Variants in GREB1L observed in about 807,000 individuals in gnomAD.
The protein encoded by GREB1L is GREB1 like retinoic acid receptor coactivator.
GREB1L carries 17 observed loss-of-function variants against 200.8 expected under a neutral mutation model. The observed-to-expected ratio is 0.08, with a 90% CI of 0.06 to 0.13. The LOEUF (loss-of-function observed/expected upper bound fraction) is 0.13, where lower values mean the gene tolerates loss of function less well. Among genes scored for constraint, GREB1L ranks in the 10% least tolerant of loss-of-function variants. The pLI is 1.00. For missense variants in GREB1L, 1,657 were observed against 2,367.7 expected (o/e 0.70, Z 6.23); for synonymous variants, 789 against 893.0 (o/e 0.88, Z 2.08).
rs976043513 is a variant in GREB1L, at chr18:21,452,225, C to A, written c.1984+8C>A. On this transcript the variant is annotated splice_region_variant and intron_variant, in intron 14 of 32. Coordinates refer to ENST00000424526, the MANE Select transcript of GREB1L (RefSeq NM_001142966.3). ...TTCCCACACAAAACCTGGGTAATGT[C>A]ATCTCAGACCAAGAGGAGGAAGTCA... The A allele has an allele frequency of 6.4e-7, 1 of 1,550,476 alleles. No homozygotes were observed. Among genetic ancestry groups the A allele is most frequent in the Non-Finnish European group, 8.7e-7 (1 of 1,146,608 alleles).
intron 18 of GREB1L, among the ~76,000 whole-genome samples, chr18:21,488,502 C>T: frequency 6.6e-6 from 1 of 152,084 alleles, no homozygotes; most frequent in East Asian, 1.9e-4. Flanking sequence ...GTGAAATCCC[C>T]CATTAGCCTA....
intron 1 of GREB1L, among the ~76,000 whole-genome samples, chr18:21,296,038 A>T (rs2038522078): frequency 1.3e-5 from 2 of 152,352 alleles, no homozygotes; most frequent in South Asian, 4.1e-4. Flanking sequence ...AAGAACTTAA[A>T]ATAGAACTAC....
chr18:21,439,567 C>G lies in GREB1L; in HGVS notation c.879C>G (p.Ser293=). 1 of 1,551,384 alleles carries G rather than the reference C, an allele frequency of 6.4e-7. No individual in the cohort carries two copies. The highest frequency in any genetic ancestry group is 8.7e-7 in the Non-Finnish European group (1 of 1,146,394). ...NSSHGGKGSA[S]SSTPAHTGNY... ...GCCATGGAGGGAAGGGCAGTGCATCCAGCTCCACTCCAGCCCACACAGGGA... is the reference window on the plus strand; with the variant it reads ...GCCATGGAGGGAAGGGCAGTGCATCGAGCTCCACTCCAGCCCACACAGGGA... Residue 293 remains serine (S), a synonymous_variant, in exon 8 of 33, where the codon TCC becomes TCG. Transcript: ENST00000424526.
intron 1 of GREB1L, among the ~76,000 whole-genome samples, chr18:21,361,267 T>C (rs9960007): frequency 0.031 from 4,777 of 152,276 alleles, 253 homozygotes; most frequent in African/African-American, 0.1. Flanking sequence ...CTCTAACTTA[T>C]AACAAAGAGA....
intron 19 of GREB1L, among the ~76,000 whole-genome samples, chr18:21,494,894 A>G (rs1419614650): frequency 6.6e-6 from 1 of 152,204 alleles, no homozygotes; most frequent in African/African-American, 2.4e-5. Context: ...TTTCATTGAT[A>G]TGTTTATGTT....
intron 7 of GREB1L, among the ~76,000 whole-genome samples, chr18:21,418,812 A>G (rs2031887834): frequency 6.6e-6 from 1 of 152,124 alleles, no homozygotes; most frequent in Non-Finnish European, 1.5e-5. Context: ...AGCGTGCACC[A>G]CTGTGCCTGG....
At chr18:21,316,615 G>A (rs574059182) in intron 1 of GREB1L, among the ~76,000 whole-genome samples, 49 of 152,236 alleles carry the variant, frequency 3.2e-4, no homozygotes, top group African/African-American at 7.9e-4. Context: ...TTACCTGGCT[G>A]TAAAAACCAC....
intron 16 of GREB1L, among the ~76,000 whole-genome samples, chr18:21,474,080 C>A (rs1188901549): frequency 6.6e-6 from 1 of 152,176 alleles, no homozygotes; most frequent in Non-Finnish European, 1.5e-5. Flanking sequence ...GGTGGGGATA[C>A]AGAGCCAAAC....
chr18:21,268,185 C>A (rs1308897403), intron 1 of GREB1L, among the ~76,000 whole-genome samples: 1 of 151,712 alleles, frequency 6.6e-6, no homozygotes, highest in Admixed American at 6.6e-5. Flanking sequence ...ATGAGCACAG[C>A]GGAATCAAAA....
intron 1 of GREB1L, among the ~76,000 whole-genome samples, chr18:21,295,455 G>T (rs529713491): frequency 1.3e-5 from 2 of 152,306 alleles, no homozygotes; most frequent in African/African-American, 2.4e-5. Context: ...GGCAGGCAGG[G>T]TCAAGTCCTG....
At chr18:21,430,532 T>G (rs2145073893) in intron 7 of GREB1L, among the ~76,000 whole-genome samples, 1 of 151,644 alleles carries the variant, frequency 6.6e-6, no homozygotes, top group East Asian at 1.9e-4. Flanking sequence ...TTTTCTAGTT[T>G]CTTAAGGTGA....
chr18:21,383,506 G>C lies in GREB1L; in HGVS notation c.-9-4G>C, dbSNP rs2040408794. On this transcript the variant is annotated splice_region_variant and splice_polypyrimidine_tract_variant and intron_variant, in intron 2 of 32. Transcript: ENST00000424526. ...CCTTTCTTCTTTTTCTTGGGGATGG[G>C]TAGGTGTAGATCATGGGGAATTCAT... The C allele has an allele frequency of 1.3e-6, 2 of 1,514,892 alleles. No individual in the cohort carries two copies. The highest frequency in any genetic ancestry group is 2.4e-5 in the Admixed American group (1 of 41,082). 93.8% of individuals were successfully genotyped at this position (1,514,892 alleles called of 1,614,324 possible). A position where few individuals can be genotyped will look rare whatever the true frequency, so the allele number is the denominator to read the frequency against.
chr18:21,371,839 T>C (rs1395171568), intron 2 of GREB1L, among the ~76,000 whole-genome samples: 3 of 152,082 alleles, frequency 2.0e-5, no homozygotes, highest in Admixed American at 6.5e-5. Context: ...GCACTTTTTT[T>C]CTGTGCCAGG....
At chr18:21,420,352 A>T (rs1486889153) in intron 7 of GREB1L, among the ~76,000 whole-genome samples, 3 of 151,568 alleles carry the variant, frequency 2.0e-5, no homozygotes, top group Admixed American at 6.6e-5. Flanking sequence ...AGCCTGAGCG[A>T]CAGTGTGAGA....
intron 1 of GREB1L, among the ~76,000 whole-genome samples, chr18:21,294,948 T>C (rs2038504066): frequency 6.6e-6 from 1 of 152,200 alleles, no homozygotes; most frequent in African/African-American, 2.4e-5. Context: ...GAATTTCCCT[T>C]GGTATGTGTC....
At chr18:21,522,526 A>C (rs1055045935) in intron 32 of GREB1L, 132 bp from the exon 33 acceptor site, 1 of 698,928 alleles carries the variant, frequency 1.4e-6, no homozygotes, top group Admixed American at 3.5e-5. Context: ...AATAAAATAA[A>C]ACAATTCTGA....
intron 31 of GREB1L, among the ~76,000 whole-genome samples, chr18:21,520,366 T>A (rs1449098098): frequency 6.6e-6 from 1 of 152,226 alleles, no homozygotes; most frequent in African/African-American, 2.4e-5. Flanking sequence ...TAAGTATGCT[T>A]TTTTGTGGAA....
intron 1 of GREB1L, among the ~76,000 whole-genome samples, chr18:21,335,052 A>C (rs958663632): frequency 6.6e-6 from 1 of 152,166 alleles, no homozygotes; most frequent in African/African-American, 2.4e-5. Context: ...CTCCTTCCTA[A>C]ACCCTTGCTA....
intron 7 of GREB1L, among the ~76,000 whole-genome samples, chr18:21,411,589 G>A (rs1172534028): frequency 6.6e-6 from 1 of 152,124 alleles, no homozygotes. Context: ...TCTGTAAGTA[G>A]GTTGCAATAC....
Sources: gnomAD v4.1 joint callset for allele counts (sites outside exome capture counted in the v4.1 genomes callset) on GRCh38, gnomAD v4.1.1 for gene constraint, MANE v1.5 for transcripts, NCBI Gene and HGNC (gene_info 2026-07-23, HGNC 2026-07-21) for gene names.